The following FGD5 variants were observed in gnomAD, a reference collection of about 807,000 sequenced individuals.
FGD5 encodes FYVE, RhoGEF and PH domain containing 5.
Under a neutral mutation model 133.4 loss-of-function variants are expected in FGD5, and 28 were observed. The observed-to-expected ratio is 0.21, with a 90% CI of 0.16 to 0.29. The LOEUF is 0.29. FGD5 is among the 10% of genes least tolerant of loss of function. The pLI is 1.00. For synonymous variants in FGD5, 810 were observed against 776.5 expected, an observed-to-expected ratio of 1.04 and a Z score of -0.72; for missense variants, 1,858 against 1,895.2, an observed-to-expected ratio of 0.98 and a Z score of 0.36.
intron 1 of FGD5, among the ~76,000 whole-genome samples, chr3:14,829,824 TGTCA>T (rs1689722141): frequency 6.6e-6 from 1 of 152,214 alleles, no homozygotes; most frequent in African/African-American, 2.4e-5. Flanking sequence ...CCTCCCCACC[TGTCA>T]GTGCACCCCC....
intron 4 of FGD5, among the ~76,000 whole-genome samples, chr3:14,884,171 G>A (rs2037880092): frequency 6.6e-6 from 1 of 152,192 alleles, no homozygotes; most frequent in Admixed American, 6.5e-5. Flanking sequence ...TTTTGAACAG[G>A]TGTGGCACCT....
chr3:14,922,058 G>T lies in FGD5; in HGVS notation c.3669+41G>T. 1.3e-6 allele frequency: 2 copies of T among 1,543,788 alleles called. No homozygotes were observed. Among genetic ancestry groups the T allele is most frequent in the Non-Finnish European group, 1.8e-6 (2 of 1,140,534 alleles). The stretch of plus-strand genomic sequence containing the variant: ...GGGCCCACGGGCCACCAGCTTCAGA[G>T]ACCTGGGGTTCCCTGGGCGGGCATT... On this transcript the variant is annotated intron_variant, in intron 14 of 19. Coordinates refer to ENST00000285046, the MANE Select transcript of FGD5 (RefSeq NM_152536.4). The surrounding 1 kb of genome is among the most constrained non-coding windows in gnomAD (Gnocchi z 4.1).
chr3:14,903,513 CCCACAACAGT>C (rs1250752255), intron 9 of FGD5, among the ~76,000 whole-genome samples: 4 of 126,372 alleles, frequency 3.2e-5, no homozygotes, highest in Non-Finnish European at 4.8e-5. Flanking sequence ...CTCCCCCCAC[CCCACAACAGT>C]CCCCAGAGTG....
Position 14,898,767 on chromosome 3 carries a change from C to G in FGD5, c.3095C>G (p.Ala1032Gly), listed in dbSNP as rs758570732. The G allele has an allele frequency of 6.3e-7, 1 of 1,587,342 alleles. No homozygotes were observed. Among genetic ancestry groups the G allele is most frequent in the South Asian group, 1.2e-5 (1 of 86,682 alleles). ...AGTGTACAAGGAGGCAGCCAGACTGCGAAGCATCGGCTGCTGCGGGTGGTT... is the reference window on the plus strand; with the variant it reads ...AGTGTACAAGGAGGCAGCCAGACTGGGAAGCATCGGCTGCTGCGGGTGGTT... ...EQSVQGGSQT[A>G]KHRLLRVVQR... Residue 1032 changes from alanine to glycine, a missense_variant, in exon 7 of 20, where the codon GCG becomes GGG. Ala to Gly is a moderately conservative substitution (Grantham distance 60). This residue lies in a region of FGD5 where 1,824 missense variants were observed against 1,848.9 expected (regional missense o/e 0.99). Transcript: ENST00000285046.
chr3:14,842,351 G>A (rs1404675933), intron 1 of FGD5, among the ~76,000 whole-genome samples: 3 of 151,984 alleles, frequency 2.0e-5, no homozygotes, highest in South Asian at 2.1e-4. Flanking sequence ...CCTGGTGCAG[G>A]TGTCTAAACC....
rs187662368 is a variant in FGD5 at position 14,869,842 on chromosome 3, T to C, written c.2658+5582T>C. Among the ~76,000 whole-genome samples, 4 of 152,360 alleles carry C rather than the reference T, an allele frequency of 2.6e-5. No individual in the cohort carries two copies. In the East Asian group the frequency reaches 5.8e-4, roughly 22 times the overall value. ...GTATTTTGTTTGCCCATTCATTCAT[T>C]GACAGATGCATGGGTTGCTTTCACC... is the stretch of plus-strand genomic sequence containing the variant. On this transcript the variant is annotated intron_variant, in intron 2 of 19. Coordinates refer to ENST00000285046, the MANE Select transcript of FGD5 (RefSeq NM_152536.4).
At position 14,844,218 on chromosome 3, in the gene FGD5, ATATATATATATATATATATATAT is replaced by A. The variant is rs1188807513; in HGVS notation, c.2526-19909_2526-19887del. Among the ~76,000 whole-genome samples, 157 of 21,686 alleles carry A rather than the reference ATATATATATATATATATATATAT, an allele frequency of 7.2e-3. 13 individuals carry two copies. The highest frequency in any genetic ancestry group is 0.022 in the South Asian group (10 of 450). 14.2% of individuals were successfully genotyped at this position (21,686 alleles called of 152,430 possible). A position where few individuals can be genotyped will look rare whatever the true frequency, so the allele number is the denominator to read the frequency against. Reference sequence around the variant, plus strand: ...TTAATAGGCATTAAAAAAAAAAAAAATATATATATATATATATATATATATATATATATATATATATATATATA... The same window carrying A: ...TTAATAGGCATTAAAAAAAAAAAAAAATATATATATATATATATATATATA... On this transcript the variant is annotated intron_variant, in intron 1 of 19. Transcript: ENST00000285046.
At chr3:14,823,282 G>A (rs181960476) in intron 1 of FGD5, among the ~76,000 whole-genome samples, 2 of 152,276 alleles carry the variant, frequency 1.3e-5, no homozygotes, top group East Asian at 3.9e-4. Flanking sequence ...CCTCTAACAG[G>A]TGCTTACCCA....
rs748792580 is a variant in FGD5, at chr3:14,880,631, G to A, written c.2717+1G>A. On this transcript the variant is annotated splice_donor_variant, in intron 3 of 19. Coordinates refer to ENST00000285046, the MANE Select transcript of FGD5 (RefSeq NM_152536.4). LOFTEE classifies it high-confidence loss of function. ...AGGAACTGCTATCTTCAGAGAAAGC[G>A]TGAGTCCCCAAGGAGCTGCCTGTGG... The A allele has an allele frequency of 6.2e-7, 1 of 1,613,888 alleles. No individual in the cohort carries two copies. The highest frequency in any genetic ancestry group is 8.5e-7 in the Non-Finnish European group (1 of 1,179,906).
chr3:14,920,578 C>A (rs2038656928), intron 13 of FGD5: 1 of 152,154 alleles, frequency 6.6e-6, no homozygotes, highest in Non-Finnish European at 1.5e-5. Flanking sequence ...CTCCAGGAGC[C>A]CACATTACAG....
At chr3:14,830,956 AAAG>A in intron 1 of FGD5, among the ~76,000 whole-genome samples, 1 of 152,214 alleles carries the variant, frequency 6.6e-6, no homozygotes, top group South Asian at 2.1e-4. Flanking sequence ...AGTTTATGGA[AAAG>A]AAGAATAAAA....
At chr3:14,903,442 C>T (rs902502984) in intron 9 of FGD5, among the ~76,000 whole-genome samples, 2 of 151,170 alleles carry the variant, frequency 1.3e-5, no homozygotes, top group African/African-American at 2.4e-5. Flanking sequence ...CATGCTGGTG[C>T]GCTGCACCCA....
At chr3:14,898,881 T>C in intron 7 of FGD5, 55 bp downstream of exon 7, 1 of 1,474,268 alleles carries the variant, frequency 6.8e-7, no homozygotes, top group South Asian at 1.2e-5. Flanking sequence ...GGAAGGCCCC[T>C]GAGGAGGGGT....
intron 1 of FGD5, among the ~76,000 whole-genome samples, chr3:14,835,582 C>G (rs147273032): frequency 6.6e-6 from 1 of 152,238 alleles, no homozygotes; most frequent in East Asian, 1.9e-4. Flanking sequence ...TTAACGTAGC[C>G]GCCGCATACT....
At chr3:14,913,469 G>C (rs184619441) in intron 11 of FGD5, among the ~76,000 whole-genome samples, 20 of 152,306 alleles carry the variant, frequency 1.3e-4, no homozygotes, top group African/African-American at 4.6e-4. Flanking sequence ...TGGGGAGGCA[G>C]ACAGACCAGA....
chr3:14,854,161 AGTGACTCTTTTCT>A (rs2037224509), intron 1 of FGD5, among the ~76,000 whole-genome samples: 1 of 151,944 alleles, frequency 6.6e-6, no homozygotes, highest in African/African-American at 2.4e-5. Flanking sequence ...GAGGTCACAC[AGTGACTCTTTTCT>A]GTGTGATGCC....
chr3:14,811,061 G>A (rs1025551875), intron 1 of FGD5, among the ~76,000 whole-genome samples: 10 of 152,052 alleles, frequency 6.6e-5, no homozygotes, highest in Admixed American at 5.2e-4. Flanking sequence ...GGGGGTCCCC[G>A]TCCGAAGCGC....
intron 2 of FGD5, among the ~76,000 whole-genome samples, chr3:14,873,543 G>A (rs2037651050): frequency 6.6e-6 from 1 of 152,136 alleles, no homozygotes; most frequent in Non-Finnish European, 1.5e-5. Context: ...TAAGTGCGAT[G>A]GGGAGGGCTG....
intron 1 of FGD5, among the ~76,000 whole-genome samples, chr3:14,834,897 T>C (rs1321657360): frequency 6.6e-6 from 1 of 152,198 alleles, no homozygotes; most frequent in Non-Finnish European, 1.5e-5. Context: ...GAAGCAAGCT[T>C]CAGCAGACCC....
Sources: allele counts gnomAD v4.1 joint callset (sites outside exome capture counted in the v4.1 genomes callset), GRCh38; gene constraint gnomAD v4.1.1; regional missense constraint gnomAD v4.1.1; non-coding constraint Gnocchi (gnomAD v3.1); transcripts MANE v1.5; gene names NCBI Gene and HGNC (gene_info 2026-07-23, HGNC 2026-07-21).